The following ZFPM2 variants were observed in gnomAD, a reference collection of about 807,000 sequenced individuals.
The protein encoded by ZFPM2 is zinc finger protein ZFPM2.
Under a neutral mutation model 98.6 loss-of-function variants are expected in ZFPM2, and 20 were observed. That is an observed-to-expected ratio of 0.20 (90% confidence interval 0.14 to 0.29). ZFPM2 has a LOEUF of 0.29. Ranked by LOEUF, ZFPM2 falls within the 10% of genes least tolerant of loss-of-function variation. The probability of loss-of-function intolerance (pLI) is 1.00; values close to 1 mark genes in which losing one functional copy is unlikely to be tolerated. For synonymous variants in ZFPM2, 518 were observed against 502.7 expected (o/e 1.03, Z -0.41); for missense variants, 1,310 against 1,388.6 (o/e 0.94, Z 0.90).
intron 5 of ZFPM2, among the ~76,000 whole-genome samples, chr8:105,650,710 G>A (rs1179119517): frequency 6.6e-6 from 1 of 152,162 alleles, no homozygotes; most frequent in African/African-American, 2.4e-5. Context: ...TTAATCCTGA[G>A]TTCTAGTTTG....
At chr8:105,406,313 G>A (rs1422369041) in intron 1 of ZFPM2, among the ~76,000 whole-genome samples, 2 of 151,982 alleles carry the variant, frequency 1.3e-5, no homozygotes, top group Non-Finnish European at 2.9e-5. Context: ...GGCTTTTGTT[G>A]CCATTGCTTT....
At chr8:105,557,433 C>G (rs1307420481) in intron 3 of ZFPM2, among the ~76,000 whole-genome samples, 1 of 152,148 alleles carries the variant, frequency 6.6e-6, no homozygotes, top group African/African-American at 2.4e-5. Context: ...CCTTATTTTA[C>G]TCTTAATTCT....
chr8:105,488,416 A>G (rs529194640), intron 3 of ZFPM2, among the ~76,000 whole-genome samples: 8 of 152,254 alleles, frequency 5.3e-5, no homozygotes, highest in African/African-American at 1.9e-4. Context: ...TTTCTGCAAC[A>G]TTTGGATCTT....
intron 1 of ZFPM2, among the ~76,000 whole-genome samples, chr8:105,412,474 G>T (rs1362626148): frequency 6.6e-6 from 1 of 151,488 alleles, no homozygotes; most frequent in Non-Finnish European, 1.5e-5. Flanking sequence ...CACATGGAAA[G>T]AAATTAATCA....
chr8:105,533,489 C>T (rs1814340516), intron 3 of ZFPM2, among the ~76,000 whole-genome samples: 1 of 152,000 alleles, frequency 6.6e-6, no homozygotes, highest in African/African-American at 2.4e-5. Flanking sequence ...TGGAAGAGTA[C>T]TATATAAAGA....
chr8:105,705,425 AT>A (rs1009331624), intron 5 of ZFPM2, among the ~76,000 whole-genome samples: 1 of 152,112 alleles, frequency 6.6e-6, no homozygotes, highest in South Asian at 2.1e-4. Context: ...TAAATCCATC[AT>A]TTTTTCTTAT....
At chr8:105,717,410 C>T (rs964278578) in intron 5 of ZFPM2, among the ~76,000 whole-genome samples, 3 of 152,118 alleles carry the variant, frequency 2.0e-5, no homozygotes, top group Non-Finnish European at 2.9e-5. Context: ...CTAGTATTTA[C>T]TAAGACTCAT....
At chr8:105,473,077 T>G (rs1414900391) in intron 3 of ZFPM2, among the ~76,000 whole-genome samples, 3 of 152,006 alleles carry the variant, frequency 2.0e-5, no homozygotes, top group African/African-American at 7.2e-5. Context: ...TATTTTTTTA[T>G]TTTTTGTAGA....
chr8:105,334,068 A>G (rs556734527), intron 1 of ZFPM2, among the ~76,000 whole-genome samples: 5 of 147,578 alleles, frequency 3.4e-5, no homozygotes, highest in Admixed American at 1.3e-4. Context: ...TACATTGTGG[A>G]ATGTGAATGT....
intron 1 of ZFPM2, among the ~76,000 whole-genome samples, chr8:105,323,547 C>A (rs937063002): frequency 4.6e-5 from 7 of 151,836 alleles, no homozygotes; most frequent in African/African-American, 1.7e-4. Flanking sequence ...TAGAATAGTA[C>A]CTATTGCTTG....
intron 3 of ZFPM2, among the ~76,000 whole-genome samples, chr8:105,484,991 G>C (rs1229020649): frequency 6.6e-6 from 1 of 152,136 alleles, no homozygotes. Context: ...CAGACTAGTG[G>C]GCCAATGCTG....
intron 5 of ZFPM2, among the ~76,000 whole-genome samples, chr8:105,758,168 G>T (rs944855426): frequency 6.6e-6 from 1 of 152,062 alleles, no homozygotes; most frequent in African/African-American, 2.4e-5. Context: ...TACCTGCTTT[G>T]TGAACACCAA....
At chr8:105,485,960 G>A (rs1216630271) in intron 3 of ZFPM2, among the ~76,000 whole-genome samples, 1 of 152,066 alleles carries the variant, frequency 6.6e-6, no homozygotes, top group Non-Finnish European at 1.5e-5. Flanking sequence ...AGCATGGCCC[G>A]ATTTAGATAC....
intron 1 of ZFPM2, chr8:105,414,740 A>G (rs1291846139): frequency 6.6e-6 from 1 of 151,984 alleles, no homozygotes; most frequent in Non-Finnish European, 1.5e-5. Flanking sequence ...CTGGGGGACT[A>G]AGTGCTCCAT....
rs113342251 is a variant in ZFPM2, at chr8:105,594,324, C to A, written c.420+32843C>A. On this transcript the variant is annotated intron_variant, in intron 4 of 7. Transcript: ENST00000407775. Reference sequence around the variant, plus strand: ...GATTCCTTATGCCAAGAGGGTCTGGCAGTAAATTTTAATTTGATTATGCCT... The same window carrying A: ...GATTCCTTATGCCAAGAGGGTCTGGAAGTAAATTTTAATTTGATTATGCCT... 3.5e-3 allele frequency among the ~76,000 whole-genome samples: 539 copies of A among 152,166 alleles called. 3 individuals carry two copies. Among genetic ancestry groups the A allele is most frequent in the Non-Finnish European group, 4.3e-3 (289 of 67,972 alleles).
At chr8:105,424,783 C>T (rs1200487790) in intron 2 of ZFPM2, among the ~76,000 whole-genome samples, 2 of 152,118 alleles carry the variant, frequency 1.3e-5, no homozygotes, top group Non-Finnish European at 2.9e-5. Context: ...CTGCTTTTTG[C>T]CAGACCTTCT....
At chr8:105,434,527 T>G (rs1226442441) in intron 2 of ZFPM2, among the ~76,000 whole-genome samples, 1 of 152,240 alleles carries the variant, frequency 6.6e-6, no homozygotes, top group African/African-American at 2.4e-5. Flanking sequence ...TTTCATCTCT[T>G]TTATGACCTT....
chr8:105,390,586 C>T (rs1302029594), intron 1 of ZFPM2, among the ~76,000 whole-genome samples: 1 of 152,172 alleles, frequency 6.6e-6, no homozygotes, highest in African/African-American at 2.4e-5. Flanking sequence ...GATCTCCACT[C>T]CCCCGTATCC....
At chr8:105,485,055 T>G (rs1031398920) in intron 3 of ZFPM2, among the ~76,000 whole-genome samples, 7 of 152,186 alleles carry the variant, frequency 4.6e-5, no homozygotes, top group Admixed American at 1.3e-4. Context: ...CAGAGCCCAG[T>G]TCAAGACAAA....
Sources: gnomAD v4.1 joint callset for allele counts (sites outside exome capture counted in the v4.1 genomes callset) on GRCh38, gnomAD v4.1.1 for gene constraint, MANE v1.5 for transcripts, NCBI Gene and HGNC (gene_info 2026-07-23, HGNC 2026-07-21) for gene names.